The following WWOX variants were observed in gnomAD, a reference collection of about 807,000 sequenced individuals.
WWOX encodes the protein WW domain containing oxidoreductase, also known as WW domain-containing oxidoreductase.
A neutral mutation model predicts 46.2 loss-of-function variants in WWOX; 69 were observed. The observed-to-expected ratio is 1.49, with a 90% CI of 1.23 to 1.82. The LOEUF (loss-of-function observed/expected upper bound fraction) is 1.82, where lower values mean the gene tolerates loss of function less well. Among genes scored for constraint, WWOX ranks in the 40% most tolerant of loss-of-function variants. The pLI is 0.00. For synonymous variants in WWOX, 359 were observed against 202.6 expected (o/e 1.77, Z -6.56); for missense variants, 919 against 542.6 (o/e 1.69, Z -6.89).
chr16:78,193,944 C>T (rs888669206), intron 5 of WWOX, among the ~76,000 whole-genome samples: 1 of 151,060 alleles, frequency 6.6e-6, no homozygotes, highest in Admixed American at 6.6e-5. Flanking sequence ...GTGGCGTGAT[C>T]TCGGCTCACT....
chr16:78,835,897 G>C (rs1025890389), intron 8 of WWOX, among the ~76,000 whole-genome samples: 1 of 152,256 alleles, frequency 6.6e-6, no homozygotes, highest in African/African-American at 2.4e-5. Context: ...TACGTAAACA[G>C]AGCTCTGAGT....
chr16:78,940,823 G>T (rs2045837648), intron 8 of WWOX, among the ~76,000 whole-genome samples: 1 of 151,934 alleles, frequency 6.6e-6, no homozygotes, highest in Admixed American at 6.6e-5. Context: ...TTCAAGAGAA[G>T]AGGTTGATCC....
At chr16:78,300,995 C>CCCATCCAT (rs199726152) in intron 5 of WWOX, among the ~76,000 whole-genome samples, 20 of 151,828 alleles carry the variant, frequency 1.3e-4, no homozygotes, top group East Asian at 2.0e-4. Flanking sequence ...CATCTACCCA[C>CCCATCCAT]CCATCCATCC....
chr16:78,665,421 T>A (rs916975273), intron 8 of WWOX, among the ~76,000 whole-genome samples: 2 of 152,184 alleles, frequency 1.3e-5, no homozygotes, highest in Non-Finnish European at 2.9e-5. Context: ...TATTGAGTTT[T>A]CCCTCTCCAT....
chr16:78,360,810 C>T (rs567325733), intron 5 of WWOX, among the ~76,000 whole-genome samples: 215 of 124,326 alleles, frequency 1.7e-3, no homozygotes, highest in African/African-American at 6.8e-3. Context: ...TGTTGTATCT[C>T]CTTGGTGCCT....
At chr16:78,560,224 TC>T (rs1388588376) in intron 8 of WWOX, among the ~76,000 whole-genome samples, 1 of 152,250 alleles carries the variant, frequency 6.6e-6, no homozygotes, top group Non-Finnish European at 1.5e-5. Context: ...TGGAATTGAT[TC>T]TGAAATCTGT....
At chr16:78,687,947 C>T (rs1208694894) in intron 8 of WWOX, among the ~76,000 whole-genome samples, 1 of 152,030 alleles carries the variant, frequency 6.6e-6, no homozygotes, top group Non-Finnish European at 1.5e-5. Flanking sequence ...AAAGAAAATG[C>T]AAGTGAGGTC....
intron 8 of WWOX, among the ~76,000 whole-genome samples, chr16:78,569,494 T>C (rs1350099179): frequency 6.6e-6 from 1 of 152,212 alleles, no homozygotes; most frequent in Non-Finnish European, 1.5e-5. Flanking sequence ...TAATGATTCT[T>C]TTCGTAACTG....
intron 7 of WWOX, among the ~76,000 whole-genome samples, chr16:78,426,383 G>C (rs1445090932): frequency 1.3e-5 from 2 of 152,172 alleles, no homozygotes; most frequent in African/African-American, 4.8e-5. Context: ...ATGTCGAATT[G>C]TCAGCTGCTC....
intron 5 of WWOX, among the ~76,000 whole-genome samples, chr16:78,303,685 C>G (rs1443386481): frequency 2.0e-5 from 3 of 152,186 alleles, no homozygotes; most frequent in Admixed American, 2.0e-4. Flanking sequence ...GCTGGGATTA[C>G]AGGCATGCGC....
At chr16:78,353,668 A>G (rs745318666) in intron 5 of WWOX, among the ~76,000 whole-genome samples, 1 of 152,242 alleles carries the variant, frequency 6.6e-6, no homozygotes, top group Non-Finnish European at 1.5e-5. Context: ...AAGATTAGAG[A>G]TGTAACTCTG....
At chr16:78,267,614 C>T (rs2079394160) in intron 5 of WWOX, among the ~76,000 whole-genome samples, 1 of 152,198 alleles carries the variant, frequency 6.6e-6, no homozygotes, top group African/African-American at 2.4e-5. Context: ...GAAATCCAGG[C>T]ATGGAAACCA....
intron 8 of WWOX, among the ~76,000 whole-genome samples, chr16:78,850,379 G>A (rs991718229): frequency 1.3e-5 from 2 of 152,042 alleles, no homozygotes; most frequent in Admixed American, 6.6e-5. Context: ...TATAGCACAA[G>A]TGTCTTCCCC....
chr16:78,521,938 G>T (rs143844136), intron 8 of WWOX, among the ~76,000 whole-genome samples: 357 of 152,166 alleles, frequency 2.3e-3, no homozygotes, highest in African/African-American at 8.3e-3. Context: ...TACTGGAGAT[G>T]GGGACAGTGA....
chr16:78,541,647 C>G (rs2151528280), intron 8 of WWOX, among the ~76,000 whole-genome samples: 1 of 152,046 alleles, frequency 6.6e-6, no homozygotes, highest in Admixed American at 6.5e-5. Context: ...CAAATCCCGC[C>G]TCTATCATGA....
chr16:78,437,138 C>G (rs1567573239), intron 8 of WWOX, among the ~76,000 whole-genome samples: 1 of 152,208 alleles, frequency 6.6e-6, no homozygotes, highest in African/African-American at 2.4e-5. Context: ...ACAACCCAGA[C>G]TTGCGCTCGG....
chr16:78,463,966 C>A (rs1346164595), intron 8 of WWOX, among the ~76,000 whole-genome samples: 1 of 152,076 alleles, frequency 6.6e-6, no homozygotes, highest in East Asian at 1.9e-4. Context: ...GAGTCTTTCT[C>A]CAAGGGAACA....
rs571570244 is a variant in WWOX, at chr16:78,952,584, A to G, written c.1057-259024A>G. Reference sequence around the variant, plus strand: ...TTTTAGTAGAGACGGGGTTTCTGCCATGTTGGCCAGCCTGGTCTTGAACTC... The same window carrying G: ...TTTTAGTAGAGACGGGGTTTCTGCCGTGTTGGCCAGCCTGGTCTTGAACTC... On this transcript the variant is annotated intron_variant, in intron 8 of 8. Coordinates refer to ENST00000566780, the MANE Select transcript of WWOX (RefSeq NM_016373.4). 9.2e-5 allele frequency among the ~76,000 whole-genome samples: 14 copies of G among 152,054 alleles called. 1 individual carries two copies. In the South Asian group the frequency reaches 2.1e-3, roughly 23 times the overall value.
chr16:78,801,413 G>A (rs895757081), intron 8 of WWOX, among the ~76,000 whole-genome samples: 2 of 152,140 alleles, frequency 1.3e-5, no homozygotes, highest in South Asian at 2.1e-4. Context: ...GGAGGCTGAG[G>A]CAGGAAGGTC....
Sources: gnomAD v4.1 joint callset for allele counts (sites outside exome capture counted in the v4.1 genomes callset) on GRCh38, gnomAD v4.1.1 for gene constraint, MANE v1.5 for transcripts, NCBI Gene and HGNC (gene_info 2026-07-23, HGNC 2026-07-21) for gene names.